The following GLRA2 variants were observed in gnomAD, a reference collection of about 807,000 sequenced individuals.
GLRA2 encodes glycine receptor subunit alpha-2.
GLRA2 carries 11 observed loss-of-function variants against 31.6 expected under a neutral mutation model. That is an observed-to-expected ratio of 0.35 (90% confidence interval 0.22 to 0.58). The LOEUF (loss-of-function observed/expected upper bound fraction) is 0.58, where lower values mean the gene tolerates loss of function less well. Among genes scored for constraint, GLRA2 ranks in the 20% least tolerant of loss-of-function variants. The pLI, the probability that GLRA2 is intolerant of heterozygous loss-of-function variation, is 0.84. For missense variants in GLRA2, 212 were observed against 351.8 expected, an observed-to-expected ratio of 0.60 and a Z score of 3.18; for synonymous variants, 132 against 134.0, an observed-to-expected ratio of 0.99 and a Z score of 0.10.
intron 2 of GLRA2, among the ~76,000 whole-genome samples, chrX:14,553,190 G>T (rs751103041): frequency 8.9e-6 from 1 of 112,088 alleles, no homozygotes; most frequent in African/African-American, 3.2e-5. Context: ...ATCACCTCAA[G>T]ACTGTCTAAC....
chrX:14,562,712 G>C (rs2089749132), intron 2 of GLRA2, among the ~76,000 whole-genome samples: 1 of 111,928 alleles, frequency 8.9e-6, no homozygotes, highest in South Asian at 3.7e-4. Context: ...GTTCCTCTGT[G>C]TAAACACATC....
chrX:14,457,266 C>T, the GLRA2 span, among the ~76,000 whole-genome samples: 1 of 111,725 alleles, frequency 9.0e-6, no homozygotes, highest in African/African-American at 3.3e-5. Flanking sequence ...TTTTGTTACA[C>T]AGGCATACAT....
At chrX:14,704,258 A>G (rs1330647598) in intron 8 of GLRA2, among the ~76,000 whole-genome samples, 1 of 112,677 alleles carries the variant, frequency 8.9e-6, no homozygotes, top group Non-Finnish European at 1.9e-5. Context: ...CCTGAAATCA[A>G]GCCTGTGCCT....
chrX:14,547,387 G>C (rs1331127070), intron 2 of GLRA2, among the ~76,000 whole-genome samples: 1 of 111,081 alleles, frequency 9.0e-6, no homozygotes, highest in Non-Finnish European at 1.9e-5. Context: ...ATCATTTTTG[G>C]ATAAAGTGCT....
chrX:14,607,025 G>C, intron 5 of GLRA2, 106 bp from the exon 6 acceptor site: 1 of 521,545 alleles, frequency 1.9e-6, no homozygotes, highest in East Asian at 3.4e-5. Context: ...TTGACTGAGC[G>C]TATGTCTGCT....
chrX:14,668,185 C>G (rs111698335), intron 7 of GLRA2, among the ~76,000 whole-genome samples: 2 of 112,252 alleles, frequency 1.8e-5, no homozygotes, highest in African/African-American at 6.5e-5. Flanking sequence ...CAGTTCCTTG[C>G]TAGGTAGCCC....
chrX:14,521,028 A>G, the GLRA2 span, among the ~76,000 whole-genome samples: 1 of 112,886 alleles, frequency 8.9e-6, no homozygotes, highest in Non-Finnish European at 1.9e-5. Flanking sequence ...AATAAAGGAC[A>G]TATGGGCCAA....
chrX:14,531,136 T>C (rs1007783872), intron 1 of GLRA2: 14 of 936,908 alleles, frequency 1.5e-5, no homozygotes, highest in African/African-American at 6.1e-5. Flanking sequence ...ACCATCATAA[T>C]CAAATAATAC....
intron 7 of GLRA2, among the ~76,000 whole-genome samples, chrX:14,658,265 T>G (rs1281213053): frequency 1.8e-5 from 2 of 112,012 alleles, no homozygotes; most frequent in Non-Finnish European, 3.8e-5. Flanking sequence ...TCAAGCTCTG[T>G]GCTTGGTGTT....
intron 2 of GLRA2, among the ~76,000 whole-genome samples, chrX:14,552,381 T>C (rs2089578195): frequency 8.9e-6 from 1 of 112,488 alleles, no homozygotes; most frequent in Non-Finnish European, 1.9e-5. Flanking sequence ...AACAACATGT[T>C]AAGTGTGTCA....
chrX:14,567,636 A>G (rs1179578219), intron 2 of GLRA2, among the ~76,000 whole-genome samples: 1 of 112,326 alleles, frequency 8.9e-6, no homozygotes, highest in African/African-American at 3.2e-5. Flanking sequence ...TATCCAGAGC[A>G]ATTAGACAAG....
intron 7 of GLRA2, among the ~76,000 whole-genome samples, chrX:14,687,776 G>T (rs1360042277): frequency 8.9e-6 from 1 of 112,166 alleles, no homozygotes; most frequent in Non-Finnish European, 1.9e-5. Context: ...GGAGAAGTTT[G>T]ATCATCTGAA....
At chrX:14,455,846 G>A in the GLRA2 span, among the ~76,000 whole-genome samples, 2 of 111,570 alleles carry the variant, frequency 1.8e-5, no homozygotes, top group Non-Finnish European at 3.8e-5. Context: ...AATTCTTTGT[G>A]TACCATGTAT....
chrX:14,502,693 T>C, the GLRA2 span, among the ~76,000 whole-genome samples: 30 of 111,114 alleles, frequency 2.7e-4, no homozygotes, highest in African/African-American at 9.5e-4. Flanking sequence ...TTATCTAATA[T>C]ATAGTTAATT....
chrX:14,475,689 C>T, the GLRA2 span, among the ~76,000 whole-genome samples: 6 of 111,196 alleles, frequency 5.4e-5, no homozygotes, highest in African/African-American at 9.8e-5. Flanking sequence ...ATTTCAATCA[C>T]GCACACAGAC....
At chrX:14,596,561 C>G (rs949547678) in intron 4 of GLRA2, among the ~76,000 whole-genome samples, 1 of 110,598 alleles carries the variant, frequency 9.0e-6, no homozygotes, top group East Asian at 2.9e-4. Context: ...GGAGGAGAAT[C>G]GCTTGAACTC....
intron 6 of GLRA2, 116 bp from the exon 7 acceptor site, chrX:14,608,875 A>G (rs1421451440): frequency 1.3e-5 from 6 of 457,367 alleles, no homozygotes; most frequent in Admixed American, 3.9e-5. Flanking sequence ...ATTTTGTGCA[A>G]TCTTCCAAAT....
At chrX:14,684,901 A>C (rs1405686595) in intron 7 of GLRA2, among the ~76,000 whole-genome samples, 3 of 111,036 alleles carry the variant, frequency 2.7e-5, no homozygotes, top group South Asian at 3.9e-4. Flanking sequence ...GCCAGTTTTC[A>C]AAGGGAATGC....
the GLRA2 span, among the ~76,000 whole-genome samples, chrX:14,462,973 C>T: frequency 8.9e-6 from 1 of 111,991 alleles, no homozygotes; most frequent in African/African-American, 3.2e-5. Flanking sequence ...TTCTCTCCAT[C>T]TTTGTGGTTT....
Sources: allele counts gnomAD v4.1 joint callset (sites outside exome capture counted in the v4.1 genomes callset), GRCh38; gene constraint gnomAD v4.1.1; transcripts MANE v1.5; gene names NCBI Gene and HGNC (gene_info 2026-07-23, HGNC 2026-07-21).